The following BRD7 variants were observed in gnomAD, a reference collection of about 807,000 sequenced individuals.
The protein encoded by BRD7 is bromodomain containing 7, also known as bromodomain-containing protein 7.
A neutral mutation model predicts 82.1 loss-of-function variants in BRD7; 15 were observed. That is an observed-to-expected ratio of 0.18 (90% CI 0.12 to 0.28). The LOEUF (loss-of-function observed/expected upper bound fraction) is 0.28. BRD7 is among the 10% of genes least tolerant of loss of function. The probability of loss-of-function intolerance (pLI) is 1.00; values close to 1 mark genes in which losing one functional copy is unlikely to be tolerated. For missense variants in BRD7, 638 were observed against 779.9 expected (o/e 0.82, Z 2.17); for synonymous variants, 232 against 266.9 (o/e 0.87, Z 1.27).
intron 8 of BRD7, among the ~76,000 whole-genome samples, chr16:50,332,754 G>A (rs1030842979): frequency 6.6e-6 from 1 of 151,936 alleles, no homozygotes; most frequent in Admixed American, 6.6e-5. Context: ...AAAGGACTAG[G>A]TAAAGAAAAT....
intron 4 of BRD7, among the ~76,000 whole-genome samples, chr16:50,350,679 T>C (rs1330326832): frequency 1.3e-5 from 2 of 152,144 alleles, no homozygotes; most frequent in African/African-American, 2.4e-5. Context: ...AAAACTGACA[T>C]TAAAAAGGTC....
rs796427514 is a variant in BRD7, at chr16:50,341,969, T to C, written c.592-1883A>G. Among the ~76,000 whole-genome samples the C allele has an allele frequency of 3.9e-3, 404 of 103,716 alleles. 5 individuals are homozygous for C. The highest frequency in any genetic ancestry group is 0.038 in the South Asian group (113 of 2,984). 68.0% of individuals were successfully genotyped at this position (103,716 alleles called of 152,430 possible). On this transcript the variant is annotated intron_variant, in intron 5 of 16. Coordinates refer to ENST00000394688, the MANE Select transcript of BRD7 (RefSeq NM_013263.5). The stretch of plus-strand genomic sequence containing the variant: ...ACACACACACACACACACACACACA[T>C]TTTACTTCAACTGCCAAATGAACTG...
intron 6 of BRD7, among the ~76,000 whole-genome samples, chr16:50,337,889 AGAC>A (rs145663541): frequency 0.37 from 56,140 of 151,738 alleles, 12,020 homozygotes; most frequent in Middle Eastern, 0.51. Flanking sequence ...AAAAAAAGGA[AGAC>A]AACAGAGAGA....
intron 2 of BRD7, among the ~76,000 whole-genome samples, chr16:50,357,126 C>G (rs2038766112): frequency 6.6e-6 from 1 of 152,188 alleles, no homozygotes; most frequent in African/African-American, 2.4e-5. Flanking sequence ...ACCTGAAGGT[C>G]TCATTAAAAA....
chr16:50,316,170 C>A lies in BRD7; in HGVS notation c.*3041G>T, dbSNP rs1188316655. The A allele has an allele frequency of 1.3e-5, 2 of 152,720 alleles. No individual in the cohort carries two copies. The highest frequency in any genetic ancestry group is 2.9e-5 in the Non-Finnish European group (2 of 68,234). 9.5% of individuals were successfully genotyped at this position (152,720 alleles called of 1,614,324 possible). A position where few individuals can be genotyped will look rare whatever the true frequency, so the allele number is the denominator to read the frequency against. On this transcript the variant is annotated 3_prime_UTR_variant, in exon 17 of 17. Transcript: ENST00000394688. Reference sequence around the variant, plus strand: ...CTTTTCAGACACTAGACATAAATCTCTTCCCTCCAGTGTATGCTCTGCCTT... The same window carrying A: ...CTTTTCAGACACTAGACATAAATCTATTCCCTCCAGTGTATGCTCTGCCTT...
chr16:50,338,455 C>A (rs2037910003), intron 6 of BRD7, among the ~76,000 whole-genome samples: 1 of 152,228 alleles, frequency 6.6e-6, no homozygotes, highest in African/African-American at 2.4e-5. Flanking sequence ...CAAGGCATTT[C>A]TTTAAATGTA....
chr16:50,331,443 T>C (rs1312384730), intron 8 of BRD7, among the ~76,000 whole-genome samples: 3 of 152,254 alleles, frequency 2.0e-5, no homozygotes, highest in Non-Finnish European at 4.4e-5. Context: ...GGCTCATGTC[T>C]GTAATCCTAG....
intron 2 of BRD7, chr16:50,361,694 A>C (rs1221462652): frequency 6.6e-6 from 1 of 152,168 alleles, no homozygotes; most frequent in Non-Finnish European, 1.5e-5. Flanking sequence ...TACTGACTAC[A>C]TACTGAAGCT....
intron 8 of BRD7, among the ~76,000 whole-genome samples, chr16:50,332,966 C>T (rs888095152): frequency 6.6e-6 from 1 of 151,890 alleles, no homozygotes; most frequent in Non-Finnish European, 1.5e-5. Context: ...GAAGAACAGA[C>T]ACTGGAAATG....
At chr16:50,335,025 T>C (rs992025069) in intron 6 of BRD7, 130 bp from the exon 7 acceptor site, 4 of 904,296 alleles carry the variant, frequency 4.4e-6, no homozygotes, top group Non-Finnish European at 1.6e-6. Flanking sequence ...AATGTAATCA[T>C]ATACCAAGAG....
At chr16:50,352,634 T>C (rs2038574605) in intron 4 of BRD7, among the ~76,000 whole-genome samples, 1 of 152,106 alleles carries the variant, frequency 6.6e-6, no homozygotes, top group Non-Finnish European at 1.5e-5. Context: ...ATAATGGCTA[T>C]ACTAATTTAC....
At chr16:50,365,205 G>A (rs1567293453) in intron 2 of BRD7, among the ~76,000 whole-genome samples, 2 of 152,216 alleles carry the variant, frequency 1.3e-5, no homozygotes, top group African/African-American at 4.8e-5. Context: ...AAACTGGGTG[G>A]TAAGACCTTC....
chr16:50,327,165 A>G lies in BRD7; in HGVS notation c.1088-774T>C, dbSNP rs551205422. ...TTCCTAATAGGTACGGGTACCAGAC[A>G]ATGAAGCTGAGAAGATGAACAGGGG... On this transcript the variant is annotated intron_variant, in intron 9 of 16. Transcript: ENST00000394688. Among the ~76,000 whole-genome samples the G allele has an allele frequency of 5.3e-5, 8 of 152,340 alleles. No homozygotes were observed. In the East Asian group the frequency reaches 1.3e-3, roughly 26 times the overall value.
At chr16:50,349,675 T>A in intron 5 of BRD7, 1 of 451,064 alleles carries the variant, frequency 2.2e-6, no homozygotes, top group Admixed American at 2.7e-5. Context: ...CTCATATGTC[T>A]AGAAATAGAA....
chr16:50,357,483 A>G (rs192022167), intron 2 of BRD7, among the ~76,000 whole-genome samples: 1 of 152,354 alleles, frequency 6.6e-6, no homozygotes, highest in East Asian at 1.9e-4. Context: ...GTCCAGAAAT[A>G]CTGGTATGGA....
chr16:50,321,635 T>C (rs1461229753), intron 13 of BRD7, among the ~76,000 whole-genome samples: 3 of 149,288 alleles, frequency 2.0e-5, no homozygotes, highest in African/African-American at 7.4e-5. Flanking sequence ...GACTCAGGGG[T>C]TTCCATAACC....
intron 2 of BRD7, among the ~76,000 whole-genome samples, chr16:50,365,057 G>A (rs772058127): frequency 9.2e-5 from 14 of 152,190 alleles, no homozygotes; most frequent in African/African-American, 1.2e-4. Flanking sequence ...AGATACTCCC[G>A]TATGCAGAGA....
chr16:50,362,641 C>G (rs148234512), intron 2 of BRD7, among the ~76,000 whole-genome samples: 1 of 152,260 alleles, frequency 6.6e-6, no homozygotes, highest in South Asian at 2.1e-4. Context: ...TTCCAACACA[C>G]GCTACAACAG....
At position 50,325,889 on chromosome 16, in the gene BRD7, GA is replaced by G. The variant is rs1169781733; in HGVS notation, c.1196-7del. 1 of 1,580,868 alleles carries G rather than the reference GA, an allele frequency of 6.3e-7. No homozygotes were observed. Among genetic ancestry groups the G allele is most frequent in the Non-Finnish European group, 8.5e-7 (1 of 1,170,520 alleles). ...CCCATAATTCAAATATAACACTGTT[GA>G]AAAAATCAAATACTGTAACACTATT... On this transcript the variant is annotated splice_polypyrimidine_tract_variant and splice_region_variant and intron_variant, in intron 10 of 16. Coordinates refer to ENST00000394688, the MANE Select transcript of BRD7 (RefSeq NM_013263.5).
Sources: allele counts gnomAD v4.1 joint callset (sites outside exome capture counted in the v4.1 genomes callset), GRCh38; gene constraint gnomAD v4.1.1; transcripts MANE v1.5; gene names NCBI Gene and HGNC (gene_info 2026-07-23, HGNC 2026-07-21).